Variants in HMCN2 observed in about 807,000 individuals in gnomAD.
HMCN2 encodes the protein hemicentin-2.
HMCN2 carries 325 observed loss-of-function variants against 377.5 expected under a neutral mutation model. The observed-to-expected ratio is 0.86, with a 90% CI of 0.79 to 0.94. HMCN2 has a LOEUF of 0.94. HMCN2 is among the 40% of genes least tolerant of loss of function. The pLI is 0.00. For synonymous variants in HMCN2, 2,007 were observed against 2,046.8 expected (o/e 0.98, Z 0.53); for missense variants, 4,543 against 4,725.3 (o/e 0.96, Z 1.13).
intron 7 of HMCN2, among the ~76,000 whole-genome samples, chr9:130,298,782 A>G (rs1836309757): frequency 6.6e-6 from 1 of 152,150 alleles, no homozygotes; most frequent in Non-Finnish European, 1.5e-5. Flanking sequence ...GAGGGGATGC[A>G]GCCATTGGGA....
intron 8 of HMCN2, 83 bp from the exon 9 acceptor site, chr9:130,302,774 G>A (rs879972903): frequency 9.4e-6 from 3 of 318,642 alleles, no homozygotes; most frequent in Admixed American, 3.8e-5. Context: ...CTGGCTGCTG[G>A]TGCATCCCTA....
chr9:130,279,046 C>T (rs897247055), intron 1 of HMCN2, among the ~76,000 whole-genome samples: 3 of 151,428 alleles, frequency 2.0e-5, no homozygotes, highest in Admixed American at 6.6e-5. Flanking sequence ...TACAGGCATG[C>T]GTCACCAGGC....
Position 130,394,620 on chromosome 9 carries a change from A to G in HMCN2, c.10692+45A>G, listed in dbSNP as rs1842510307. 8.2e-7 allele frequency: 1 copy of G among 1,223,730 alleles called. No homozygotes were observed. Among genetic ancestry groups the G allele is most frequent in the Non-Finnish European group, 1.1e-6 (1 of 945,942 alleles). The allele number at this position is 1,223,730 out of a possible 1,614,324, so 75.8% of individuals were successfully genotyped here. A position where few individuals can be genotyped will look rare whatever the true frequency, so the allele number is the denominator to read the frequency against. On this transcript the variant is annotated intron_variant, in intron 69 of 97. Transcript: ENST00000683500. The surrounding 1 kb of genome is among the most constrained non-coding windows in gnomAD (Gnocchi z 5.1). The stretch of plus-strand genomic sequence containing the variant: ...GGGGCGAGGCTGGGGGTTGGGGGAG[A>G]GGGGAGGGACTGCAGGTTCCCCAGA...
Position 130,273,557 on chromosome 9 carries a change from G to A in HMCN2, c.259+7420G>A, listed in dbSNP as rs1007780732. 7.9e-5 allele frequency among the ~76,000 whole-genome samples: 12 copies of A among 152,114 alleles called. No homozygotes were observed. The East Asian group carries it at 1.9e-3, about 25-fold the overall frequency. On this transcript the variant is annotated intron_variant, in intron 1 of 97. Transcript: ENST00000683500. ...CTCTTGCCCAGGCTGGAGTGCAGTG[G>A]TGCAGTCTCAGCTCACTGCAACCTC...
chr9:130,370,967 C>T lies in HMCN2; in HGVS notation c.7073C>T (p.Pro2358Leu). Residue 2358 changes from proline to leucine, a missense_variant, in exon 46 of 98, where the codon CCC becomes CTC. Around this residue, in one of 5 missense-constraint regions of HMCN2, gnomAD observed 1,032 missense variants for 1,285.1 expected, o/e 0.80. Coordinates refer to ENST00000683500, the MANE Select transcript of HMCN2 (RefSeq NM_001291815.2). ...ERKFELSVLVPPELIGDLDPL... is the reference protein window; with the variant it reads ...ERKFELSVLVLPELIGDLDPL... ...GTGGCTTCTTCTTTGTGTCCAGTGC[C>T]CCCAGAGCTCATTGGAGACTTGGAC... 1 of 986,214 alleles carries T rather than the reference C, an allele frequency of 1.0e-6. No individual in the cohort carries two copies. The highest frequency in any genetic ancestry group is 1.2e-6 in the Non-Finnish European group (1 of 830,220). The allele number at this position is 986,214 out of a possible 1,614,324, so 61.1% of individuals were successfully genotyped here. A position where few individuals can be genotyped will look rare whatever the true frequency, so the allele number is the denominator to read the frequency against.
chr9:130,411,126 G>A (rs574755228), intron 85 of HMCN2, among the ~76,000 whole-genome samples: 1 of 152,000 alleles, frequency 6.6e-6, no homozygotes, highest in African/African-American at 2.4e-5. Flanking sequence ...CAAAGAAATA[G>A]GACAGTGCCG....
chr9:130,397,093 C>T (rs1196495450), intron 73 of HMCN2, among the ~76,000 whole-genome samples: 1 of 152,184 alleles, frequency 6.6e-6, no homozygotes, highest in Non-Finnish European at 1.5e-5. Context: ...AAAGACATAC[C>T]TGAGACTGGG....
chr9:130,374,776 C>A, intron 49 of HMCN2, 83 bp downstream of exon 49: 1 of 635,496 alleles, frequency 1.6e-6, no homozygotes, highest in Non-Finnish European at 2.0e-6. Flanking sequence ...GACAACTTCC[C>A]ACAAACCATT....
chr9:130,409,021 C>A, intron 84 of HMCN2, 88 bp downstream of exon 84: 1 of 904,896 alleles, frequency 1.1e-6, no homozygotes, highest in Non-Finnish European at 1.5e-6. Flanking sequence ...TCCTATTGCC[C>A]CCTCTGCTTC....
At chr9:130,322,364 ATCTG>A (rs1837904831) in intron 19 of HMCN2, among the ~76,000 whole-genome samples, 9 of 151,304 alleles carry the variant, frequency 5.9e-5, no homozygotes, top group South Asian at 2.1e-4. Context: ...CTATCTATCC[ATCTG>A]TCTATCTATC....
intron 15 of HMCN2, among the ~76,000 whole-genome samples, chr9:130,312,921 A>G (rs1173348894): frequency 2.0e-5 from 3 of 151,978 alleles, no homozygotes; most frequent in African/African-American, 7.3e-5. Context: ...CGGCCTCCCA[A>G]AGTGCTGGGA....
At chr9:130,299,835 C>T (rs1445210547) in intron 8 of HMCN2, among the ~76,000 whole-genome samples, 1 of 140,944 alleles carries the variant, frequency 7.1e-6, no homozygotes, top group Non-Finnish European at 1.6e-5. Flanking sequence ...ACCTATTCAT[C>T]CATCCACCCA....
intron 41 of HMCN2, among the ~76,000 whole-genome samples, chr9:130,365,294 C>T (rs975501699): frequency 6.6e-6 from 1 of 152,256 alleles, no homozygotes; most frequent in Non-Finnish European, 1.5e-5. Flanking sequence ...CTCTTCGGGT[C>T]TGTTTTCTTG....
intron 85 of HMCN2, among the ~76,000 whole-genome samples, chr9:130,413,991 C>CAAAAAAAAA (rs33963612): frequency 7.3e-6 from 1 of 137,082 alleles, no homozygotes; most frequent in Non-Finnish European, 1.6e-5. Context: ...ACCAAAAATA[C>CAAAAAAAAA]AAAAAAAAAA....
intron 18 of HMCN2, among the ~76,000 whole-genome samples, chr9:130,321,560 C>T (rs1588238927): frequency 6.6e-6 from 1 of 152,064 alleles, no homozygotes; most frequent in East Asian, 1.9e-4. Context: ...GAGGTGGGGT[C>T]AGGGTATGTA....
chr9:130,415,342 T>C (rs577982380), intron 85 of HMCN2, among the ~76,000 whole-genome samples: 24 of 152,218 alleles, frequency 1.6e-4, no homozygotes, highest in African/African-American at 5.3e-4. Context: ...TGGTAAGGAT[T>C]TCCTTTTTAT....
chr9:130,306,928 C>T lies in HMCN2; in HGVS notation c.2076C>T (p.Leu692=). Residue 692 remains leucine (L), a synonymous_variant, in exon 13 of 98, where the codon CTC becomes CTT. Transcript: ENST00000683500. ...EVGTDQETVT[L]YYTDPPSVSA... is the part of the protein sequence containing the mutation. ...GCACTGACCAGGAGACGGTCACCCT[C>T]TACTACACAGGTACCCAGGCCACAA... 4.3e-6 allele frequency: 2 copies of T among 469,466 alleles called. No homozygotes were observed. The highest frequency in any genetic ancestry group is 3.1e-5 in the South Asian group (2 of 64,400). The allele number at this position is 469,466 out of a possible 1,614,324, so 29.1% of individuals were successfully genotyped here. A position where few individuals can be genotyped will look rare whatever the true frequency, so the allele number is the denominator to read the frequency against.
chr9:130,286,354 G>A, intron 4 of HMCN2, 44 bp downstream of exon 4: 2 of 467,796 alleles, frequency 4.3e-6, no homozygotes, highest in South Asian at 3.1e-5. Context: ...CATCACTCGG[G>A]CACGGTGAGG....
In HMCN2 at chr9:130,388,558, T is replaced by C. The variant is rs1842135871; in HGVS notation, c.9523+18T>C. 7 of 988,002 alleles carry C rather than the reference T, an allele frequency of 7.1e-6. No individual in the cohort carries two copies. The highest frequency in any genetic ancestry group is 2.4e-6 in the Non-Finnish European group (2 of 830,134). 61.2% of individuals were successfully genotyped at this position (988,002 alleles called of 1,614,324 possible). On this transcript the variant is annotated intron_variant, in intron 62 of 97. Coordinates refer to ENST00000683500, the MANE Select transcript of HMCN2 (RefSeq NM_001291815.2). Reference sequence around the variant, plus strand: ...GCCTGTGGGTGAGCACATCTGTCCTTGTCTGTTTCGCGTAAAGCATTCCTT... The same window carrying C: ...GCCTGTGGGTGAGCACATCTGTCCTCGTCTGTTTCGCGTAAAGCATTCCTT...
Sources: gnomAD v4.1 joint callset for allele counts (sites outside exome capture counted in the v4.1 genomes callset) on GRCh38, gnomAD v4.1.1 for gene constraint, gnomAD v4.1.1 regional missense constraint, Gnocchi (gnomAD v3.1) non-coding constraint, MANE v1.5 for transcripts, NCBI Gene and HGNC (gene_info 2026-07-23, HGNC 2026-07-21) for gene names.